The following CEP57 variants were observed in gnomAD, a reference collection of about 807,000 sequenced individuals.
CEP57 encodes the protein centrosomal protein 57, also known as centrosomal protein of 57 kDa.
CEP57 carries 40 observed loss-of-function variants against 68.0 expected under a neutral mutation model. The observed-to-expected ratio is 0.59, with a 90% CI of 0.46 to 0.77. CEP57 has a LOEUF of 0.77. Ranked by LOEUF, CEP57 falls within the 30% of genes least tolerant of loss-of-function variation. CEP57 has a pLI of 0.00. For missense variants in CEP57, 606 were observed against 580.7 expected (o/e 1.04, Z -0.45); for synonymous variants, 219 against 198.7 (o/e 1.10, Z -0.86).
chr11:95,808,752 A>G (rs574188105), intron 2 of CEP57, among the ~76,000 whole-genome samples: 1 of 152,310 alleles, frequency 6.6e-6, no homozygotes, highest in East Asian at 1.9e-4. Context: ...CACAATAATA[A>G]TGGGAGACTT....
rs560417066 is a variant in CEP57, at chr11:95,817,709, G to A, written c.505-78G>A. 7.4e-6 allele frequency: 7 copies of A among 945,212 alleles called. No individual in the cohort carries two copies. In the East Asian group the frequency reaches 1.7e-4, roughly 23 times the overall value. The allele number at this position is 945,212 out of a possible 1,614,324, so 58.6% of individuals were successfully genotyped here. A position where few individuals can be genotyped will look rare whatever the true frequency, so the allele number is the denominator to read the frequency against. On this transcript the variant is annotated intron_variant, in intron 4 of 10. Transcript: ENST00000325542. ...TAGTTATGTGAAGGGCCAAATAACA[G>A]CATAGAAAAACACTGCTCAGTGTTT...
At chr11:95,792,629 T>A (rs1487148893) in intron 1 of CEP57, among the ~76,000 whole-genome samples, 2 of 152,242 alleles carry the variant, frequency 1.3e-5, no homozygotes, top group African/African-American at 4.8e-5. Flanking sequence ...AAAGCATATT[T>A]TTTTTGTGCT....
In CEP57 at chr11:95,828,038, GTTT is replaced by G; in HGVS notation, c.1127+20_1127+22del. 1.6e-6 allele frequency: 2 copies of G among 1,272,566 alleles called. No individual in the cohort carries two copies. The highest frequency in any genetic ancestry group is 2.0e-4 in the Middle Eastern group (1 of 4,948). 78.8% of individuals were successfully genotyped at this position (1,272,566 alleles called of 1,614,324 possible). ...TGGGCAAATGAGCTTGTGAGTTTTT[GTTT>G]TTTTTTTTAAATTCAGTTTAGCTCT... On this transcript the variant is annotated intron_variant, in intron 9 of 10. Transcript: ENST00000325542.
At chr11:95,806,397 G>A (rs1297991131) in intron 2 of CEP57, among the ~76,000 whole-genome samples, 1 of 152,048 alleles carries the variant, frequency 6.6e-6, no homozygotes, top group South Asian at 2.1e-4. Flanking sequence ...TGCAGTCCAT[G>A]GAGTATGAGC....
intron 8 of CEP57, chr11:95,823,265 A>G (rs1422055404): frequency 1.3e-5 from 2 of 152,318 alleles, no homozygotes; most frequent in African/African-American, 4.8e-5. Flanking sequence ...TCGCAGTGAA[A>G]TCATGGGGAA....
intron 10 of CEP57, 32 bp from the exon 11 acceptor site, chr11:95,830,994 C>T (rs1396624316): frequency 1.3e-6 from 2 of 1,523,570 alleles, no homozygotes; most frequent in Non-Finnish European, 1.8e-6. Flanking sequence ...TTAAATTCTC[C>T]TTTTCCTTCC....
upstream of CEP57, chr11:95,790,473 A>G (rs1485053051): frequency 6.7e-6 from 4 of 598,472 alleles, no homozygotes; most frequent in Non-Finnish European, 1.2e-5. Context: ...TTGGCTAGGA[A>G]AGACGTCCGT....
At chr11:95,824,116 T>C (rs1862637258) in intron 8 of CEP57, among the ~76,000 whole-genome samples, 1 of 149,526 alleles carries the variant, frequency 6.7e-6, no homozygotes, top group Non-Finnish European at 1.5e-5. Context: ...CATGTTGGCG[T>C]GCACCTGTGG....
At position 95,792,914 on chromosome 11, in the gene CEP57, G is replaced by C. The variant is rs1408381565; in HGVS notation, c.45+2171G>C. Among the ~76,000 whole-genome samples, 3 of 140,050 alleles carry C rather than the reference G, an allele frequency of 2.1e-5. No individual in the cohort carries two copies. In the East Asian group the frequency reaches 6.2e-4, roughly 29 times the overall value. 91.9% of individuals were successfully genotyped at this position (140,050 alleles called of 152,430 possible). A position where few individuals can be genotyped will look rare whatever the true frequency, so the allele number is the denominator to read the frequency against. On this transcript the variant is annotated intron_variant, in intron 1 of 10. Coordinates refer to ENST00000325542, the MANE Select transcript of CEP57 (RefSeq NM_014679.5). ...ATCAAACAGCTGATCTTAACAGTAG[G>C]CAACATTTAAAAAAAAAAAAACTTG...
At chr11:95,821,088 A>G (rs764984646) in intron 6 of CEP57, among the ~76,000 whole-genome samples, 2 of 152,234 alleles carry the variant, frequency 1.3e-5, no homozygotes, top group Non-Finnish European at 2.9e-5. Context: ...TGGAAAGGCC[A>G]AAATCATGAG....
At chr11:95,790,433 C>T (rs997721348), upstream of CEP57, 3 of 568,622 alleles carry the variant, frequency 5.3e-6, no homozygotes, top group African/African-American at 5.6e-5. Context: ...CGGATTCTCT[C>T]CTACTACAGA....
At position 95,821,922 on chromosome 11, in the gene CEP57, C is replaced by T. The variant is rs149293164; in HGVS notation, c.751C>T (p.Pro251Ser). 6.1e-5 allele frequency: 98 copies of T among 1,612,616 alleles called. No homozygotes were observed. The highest frequency in any genetic ancestry group is 1.8e-4 in the Admixed American group (11 of 59,976). ...ACTTATCTTTGAAGATAAGGCAACT[C>T]CGTGTGTTCCCAATGCAAGAAGAAT... ...NRLIFEDKAT[P>S]CVPNARRIKK... Residue 251 changes from proline to serine, a missense_variant, in exon 7 of 11, where the codon CCG becomes TCG. Coordinates refer to ENST00000325542, the MANE Select transcript of CEP57 (RefSeq NM_014679.5).
chr11:95,823,347 T>G (rs980056013), intron 8 of CEP57: 1 of 152,230 alleles, frequency 6.6e-6, no homozygotes, highest in Non-Finnish European at 1.5e-5. Flanking sequence ...GTCCGAACTC[T>G]GTGTGGGTCT....
At position 95,829,401 on chromosome 11, in the gene CEP57, AATG is replaced by A. The variant is rs1344677832; in HGVS notation, c.1272+75_1272+77del. 7 of 1,424,496 alleles carry A rather than the reference AATG, an allele frequency of 4.9e-6. No homozygotes were observed. In the African/African-American group the frequency reaches 5.6e-5, roughly 11 times the overall value. 88.2% of individuals were successfully genotyped at this position (1,424,496 alleles called of 1,614,324 possible). On this transcript the variant is annotated intron_variant, in intron 10 of 10. Transcript: ENST00000325542. ...AAAAAACACTTTAATTCAAATATTA[AATG>A]ATGACACTAAGTGTATCATAGATAA...
intron 6 of CEP57, among the ~76,000 whole-genome samples, chr11:95,820,074 T>C (rs1310229829): frequency 6.6e-6 from 1 of 152,216 alleles, no homozygotes; most frequent in Non-Finnish European, 1.5e-5. Flanking sequence ...ATTATATGCA[T>C]TGTGGTGTTG....
At chr11:95,799,109 C>A in intron 1 of CEP57, 123 bp from the exon 2 acceptor site, 1 of 905,590 alleles carries the variant, frequency 1.1e-6, no homozygotes, top group Non-Finnish European at 1.8e-6. Context: ...TGTATTGTTT[C>A]TAGTCAGTGG....
intron 2 of CEP57, among the ~76,000 whole-genome samples, chr11:95,807,013 G>A (rs1239506387): frequency 6.6e-6 from 1 of 152,150 alleles, no homozygotes; most frequent in East Asian, 1.9e-4. Context: ...CCCCTTCTGA[G>A]ACTAAGGCTC....
chr11:95,822,605 T>A, intron 8 of CEP57, 29 bp downstream of exon 8: 1 of 1,549,556 alleles, frequency 6.5e-7, no homozygotes, highest in Non-Finnish European at 8.9e-7. Flanking sequence ...GGATTCTTTT[T>A]ATACAACATT....
chr11:95,812,963 T>C lies in CEP57; in HGVS notation c.234T>C (p.Asp78=). 3 of 1,614,048 alleles carry C rather than the reference T, an allele frequency of 1.9e-6. No individual in the cohort carries two copies. The highest frequency in any genetic ancestry group is 2.2e-5 in the South Asian group (2 of 91,080). Residue 78 remains aspartate (D), a synonymous_variant, in exon 3 of 11, where the codon GAT becomes GAC. Coordinates refer to ENST00000325542, the MANE Select transcript of CEP57 (RefSeq NM_014679.5). The stretch of plus-strand genomic sequence containing the variant: ...TTTCTGCTCTTAAGAATCTTCAAGA[T>C]AAGATTCGACGCTTGGAACTTGAGA... ...AIFSALKNLQ[D]KIRRLELERI...
Sources: allele counts gnomAD v4.1 joint callset (sites outside exome capture counted in the v4.1 genomes callset), GRCh38; gene constraint gnomAD v4.1.1; transcripts MANE v1.5; gene names NCBI Gene and HGNC (gene_info 2026-07-23, HGNC 2026-07-21).